The following ENTPD1 variants were observed in gnomAD, a reference collection of about 807,000 sequenced individuals.
ENTPD1 encodes the protein ATP diphosphohydrolase.
ENTPD1 carries 33 observed loss-of-function variants against 57.0 expected under a neutral mutation model. The ratio of observed to expected loss-of-function variants is 0.58; its 90% CI spans 0.44 to 0.77. The LOEUF is 0.77. Ranked by LOEUF, ENTPD1 falls within the 30% of genes least tolerant of loss-of-function variation. The pLI is 0.00. For missense variants in ENTPD1, 501 were observed against 603.4 expected (o/e 0.83, Z 1.78); for synonymous variants, 202 against 218.8 (o/e 0.92, Z 0.68).
chr10:95,785,009 G>C (rs915236953), intron 1 of ENTPD1: 7 of 152,228 alleles, frequency 4.6e-5, no homozygotes, highest in African/African-American at 1.7e-4. Flanking sequence ...TTCTATAGCT[G>C]CATATCAGAG....
intron 1 of ENTPD1, among the ~76,000 whole-genome samples, chr10:95,730,783 A>C (rs1212661263): frequency 6.6e-6 from 1 of 152,258 alleles, no homozygotes; most frequent in Non-Finnish European, 1.5e-5. Flanking sequence ...TGTGTTTAAC[A>C]ATGGAATTGC....
At chr10:95,734,521 T>G (rs969342452) in intron 1 of ENTPD1, among the ~76,000 whole-genome samples, 1 of 152,196 alleles carries the variant, frequency 6.6e-6, no homozygotes, top group Non-Finnish European at 1.5e-5. Context: ...CAGGCTCTTC[T>G]CCACAGAGCT....
the ENTPD1 span, among the ~76,000 whole-genome samples, chr10:95,694,799 T>G: frequency 1.3e-3 from 192 of 151,932 alleles, no homozygotes; most frequent in Middle Eastern, 0.01. Context: ...CCTTCGGTAT[T>G]GGAAATGTAC....
At chr10:95,758,754 G>T (rs568645409) in intron 1 of ENTPD1, among the ~76,000 whole-genome samples, 1 of 152,206 alleles carries the variant, frequency 6.6e-6, no homozygotes, top group Non-Finnish European at 1.5e-5. Context: ...GGTACAGGAG[G>T]TAGCCACAGA....
chr10:95,811,724 G>C (rs1298593023), intron 1 of ENTPD1, among the ~76,000 whole-genome samples: 2 of 152,200 alleles, frequency 1.3e-5, no homozygotes, highest in East Asian at 3.8e-4. Context: ...TTTGAAGACA[G>C]TTTGTGTCAA....
intron 1 of ENTPD1, among the ~76,000 whole-genome samples, chr10:95,714,773 A>AT (rs951446677): frequency 2.2e-4 from 33 of 148,510 alleles, no homozygotes; most frequent in East Asian, 3.9e-4. Flanking sequence ...AATTTCAAAA[A>AT]TTTTTTTTTT....
chr10:95,845,203 C>T (rs1412517991), intron 5 of ENTPD1, among the ~76,000 whole-genome samples, 154 bp from the exon 6 acceptor site: 1 of 152,204 alleles, frequency 6.6e-6, no homozygotes, highest in African/African-American at 2.4e-5. Flanking sequence ...TCTTTTCTTG[C>T]TGATAATCTG....
intron 7 of ENTPD1, among the ~76,000 whole-genome samples, chr10:95,853,378 C>T (rs1421885626): frequency 2.0e-5 from 3 of 152,168 alleles, no homozygotes; most frequent in Non-Finnish European, 4.4e-5. Context: ...CATCTGCAAA[C>T]AGGGACAATT....
intron 1 of ENTPD1, among the ~76,000 whole-genome samples, chr10:95,809,302 G>T (rs1376223424): frequency 6.6e-6 from 1 of 151,158 alleles, no homozygotes; most frequent in Non-Finnish European, 1.5e-5. Context: ...GGGTGGCCAG[G>T]CAGAGGCGCC....
chr10:95,831,651 A>AT (rs1347186232), intron 2 of ENTPD1, among the ~76,000 whole-genome samples: 1 of 152,144 alleles, frequency 6.6e-6, no homozygotes, highest in Non-Finnish European at 1.5e-5. Context: ...TGTCTAGCCC[A>AT]TTTCAGGTCA....
chr10:95,733,474 G>T (rs557942799), intron 1 of ENTPD1, among the ~76,000 whole-genome samples: 9 of 152,212 alleles, frequency 5.9e-5, no homozygotes, highest in Non-Finnish European at 1.2e-4. Context: ...TTAAAGACAG[G>T]TATAGGAAAT....
chr10:95,720,960 C>T (rs552947694), intron 1 of ENTPD1, among the ~76,000 whole-genome samples: 1 of 152,208 alleles, frequency 6.6e-6, no homozygotes, highest in African/African-American at 2.4e-5. Flanking sequence ...TCCTCCTGAT[C>T]TCTATTATAA....
chr10:95,755,571 T>C (rs2098020147), upstream of ENTPD1: 4 of 817,246 alleles, frequency 4.9e-6, no homozygotes, highest in East Asian at 1.1e-4. Context: ...GCGGTTCCCA[T>C]TGAGCAGCTC....
At chr10:95,805,900 C>T (rs1475866258) in intron 1 of ENTPD1, among the ~76,000 whole-genome samples, 1 of 152,216 alleles carries the variant, frequency 6.6e-6, no homozygotes, top group Non-Finnish European at 1.5e-5. Context: ...GTAACCCGAA[C>T]TTTCTCTCTG....
chr10:95,782,298 G>A (rs935268774), intron 1 of ENTPD1, among the ~76,000 whole-genome samples: 3 of 152,088 alleles, frequency 2.0e-5, no homozygotes, highest in Admixed American at 1.3e-4. Context: ...TTACTTTTTG[G>A]TTGATTTATT....
chr10:95,709,858 T>G (rs1241684528), upstream of ENTPD1, among the ~76,000 whole-genome samples: 1 of 151,752 alleles, frequency 6.6e-6, no homozygotes, highest in Non-Finnish European at 1.5e-5. Context: ...CACCACCTCC[T>G]GGGTTCAAGC....
intron 1 of ENTPD1, among the ~76,000 whole-genome samples, chr10:95,732,777 C>T (rs2097990648): frequency 6.6e-6 from 1 of 152,066 alleles, no homozygotes; most frequent in African/African-American, 2.4e-5. Context: ...CATGATGCCC[C>T]CCAAGCCGCA....
At chr10:95,808,723 T>C (rs921390623) in intron 1 of ENTPD1, among the ~76,000 whole-genome samples, 8 of 151,276 alleles carry the variant, frequency 5.3e-5, no homozygotes, top group Non-Finnish European at 1.2e-4. Flanking sequence ...TTAGTTGCTT[T>C]TTTTTTTTTT....
At chr10:95,752,560 G>A (rs2098013761), upstream of ENTPD1, among the ~76,000 whole-genome samples, 1 of 152,146 alleles carries the variant, frequency 6.6e-6, no homozygotes, top group Admixed American at 6.5e-5. Flanking sequence ...GGGAGGCTGA[G>A]GCAGGAGAAT....
Sources: gnomAD v4.1 joint callset for allele counts (sites outside exome capture counted in the v4.1 genomes callset) on GRCh38, gnomAD v4.1.1 for gene constraint, MANE v1.5 for transcripts, NCBI Gene and HGNC (gene_info 2026-07-23, HGNC 2026-07-21) for gene names.